Variants in AKAP6 observed in about 807,000 individuals in gnomAD.
The protein encoded by AKAP6 is A-kinase anchoring protein 6, also known as A-kinase anchor protein 6.
A neutral mutation model predicts 188.5 loss-of-function variants in AKAP6; 58 were observed. The ratio of observed to expected loss-of-function variants is 0.31; its 90% CI spans 0.25 to 0.38. The LOEUF is 0.38. Ranked by LOEUF, AKAP6 falls within the 10% of genes least tolerant of loss-of-function variation. The probability of loss-of-function intolerance (pLI) is 1.00; values close to 1 mark genes in which losing one functional copy is unlikely to be tolerated. For synonymous variants in AKAP6, 989 were observed against 998.6 expected, an observed-to-expected ratio of 0.99 and a Z score of 0.18; for missense variants, 2,710 against 2,740.0, an observed-to-expected ratio of 0.99 and a Z score of 0.24.
In AKAP6 at chr14:32,568,971, G is replaced by A. The variant is rs1884335065; in HGVS notation, c.2347-8149G>A. On this transcript the variant is annotated intron_variant, in intron 4 of 13. Coordinates refer to ENST00000280979, the MANE Select transcript of AKAP6 (RefSeq NM_004274.5). This position sits in a 1 kb window ranked among gnomAD's most constrained non-coding sequence, Gnocchi z 6.2. ...ATTTCTTTTTATAAACCCATAGGGAGCAACTGAATTCAAAATCTCTAGATT... is the reference window on the plus strand; with the variant it reads ...ATTTCTTTTTATAAACCCATAGGGAACAACTGAATTCAAAATCTCTAGATT... Among the ~76,000 whole-genome samples the A allele has an allele frequency of 6.6e-6, 1 of 152,138 alleles. No homozygotes were observed. The highest frequency in any genetic ancestry group is 1.5e-5 in the Non-Finnish European group (1 of 68,012).
chr14:32,501,621 C>G (rs1006388551), intron 2 of AKAP6, among the ~76,000 whole-genome samples: 2 of 152,080 alleles, frequency 1.3e-5, no homozygotes, highest in Admixed American at 6.6e-5. Context: ...AGAGTCTTTA[C>G]CACAGCATAA....
intron 11 of AKAP6, among the ~76,000 whole-genome samples, chr14:32,753,228 A>C (rs2032206405): frequency 6.6e-6 from 1 of 152,030 alleles, no homozygotes; most frequent in South Asian, 2.1e-4. Context: ...TCTCTTTTTG[A>C]TAATAGCCAT....
chr14:32,655,664 A>T (rs1169444367), intron 7 of AKAP6, among the ~76,000 whole-genome samples: 1 of 152,178 alleles, frequency 6.6e-6, no homozygotes, highest in South Asian at 2.1e-4. Flanking sequence ...CAGATTAGAG[A>T]AAGCGTTTCA....
chr14:32,726,262 C>T (rs912450087), intron 9 of AKAP6: 5 of 924,142 alleles, frequency 5.4e-6, no homozygotes, highest in Non-Finnish European at 6.5e-6. Flanking sequence ...AGTGATTCTT[C>T]TCTCCTCAGT....
chr14:32,756,681 C>A (rs1259704058), intron 11 of AKAP6, among the ~76,000 whole-genome samples: 2 of 152,160 alleles, frequency 1.3e-5, no homozygotes, highest in Non-Finnish European at 2.9e-5. Flanking sequence ...TAGCTTAGAG[C>A]CTAAGGCCAC....
chr14:32,744,045 A>T (rs2031787708), intron 11 of AKAP6, among the ~76,000 whole-genome samples: 2 of 152,156 alleles, frequency 1.3e-5, no homozygotes, highest in African/African-American at 4.8e-5. Flanking sequence ...TATTTTTGCC[A>T]GATATACTAT....
chr14:32,763,644 A>G (rs1433942870), intron 11 of AKAP6, among the ~76,000 whole-genome samples: 2 of 152,186 alleles, frequency 1.3e-5, no homozygotes, highest in Non-Finnish European at 2.9e-5. Flanking sequence ...TGAAGAAGAT[A>G]CATTGATATA....
chr14:32,583,590 G>C (rs1402627286), intron 5 of AKAP6, among the ~76,000 whole-genome samples: 1 of 152,242 alleles, frequency 6.6e-6, no homozygotes, highest in African/African-American at 2.4e-5. Context: ...GGAGCCTACA[G>C]AGGCAGGCAG....
intron 9 of AKAP6, among the ~76,000 whole-genome samples, chr14:32,712,790 T>A (rs898521785): frequency 6.6e-6 from 1 of 152,118 alleles, no homozygotes; most frequent in Admixed American, 6.6e-5. Context: ...CTTCCTCCAC[T>A]GAAGTGTTGA....
chr14:32,599,149 C>T (rs972562460), intron 5 of AKAP6, among the ~76,000 whole-genome samples: 6 of 152,096 alleles, frequency 3.9e-5, no homozygotes, highest in African/African-American at 1.4e-4. Flanking sequence ...CTTGATATAG[C>T]CTACGGGATG....
rs146208825 is a variant in AKAP6, at chr14:32,714,704, A to C, written c.3001-17750A>C. ...CTTCTTCTTTAGGCAGAATTACCAA[A>C]TGCCCCTCAGTTTTTTTCACAGCAT... is the stretch of plus-strand genomic sequence containing the variant. On this transcript the variant is annotated intron_variant, in intron 9 of 13. Coordinates refer to ENST00000280979, the MANE Select transcript of AKAP6 (RefSeq NM_004274.5). Among the ~76,000 whole-genome samples, 723 of 151,966 alleles carry C rather than the reference A, an allele frequency of 4.8e-3. 7 individuals are homozygous for C. The highest frequency in any genetic ancestry group is 0.016 in the African/African-American group (671 of 41,490).
intron 12 of AKAP6, among the ~76,000 whole-genome samples, chr14:32,813,487 G>C (rs973540293): frequency 7.0e-6 from 1 of 143,870 alleles, no homozygotes; most frequent in African/African-American, 2.6e-5. Flanking sequence ...CCCAACCTGA[G>C]GCTATCTCAG....
intron 4 of AKAP6, among the ~76,000 whole-genome samples, chr14:32,572,985 C>T (rs1884558794): frequency 6.6e-6 from 1 of 152,002 alleles, no homozygotes; most frequent in Non-Finnish European, 1.5e-5. Context: ...ACTCTCAAAG[C>T]CTGTATAAAA....
chr14:32,704,829 A>G (rs971397423), intron 9 of AKAP6, among the ~76,000 whole-genome samples: 6 of 152,224 alleles, frequency 3.9e-5, no homozygotes, highest in African/African-American at 1.4e-4. Flanking sequence ...TATAACCACA[A>G]GGAAATGTAT....
chr14:32,492,355 T>TATATATGTAGAGAGAGAGAG, intron 2 of AKAP6, among the ~76,000 whole-genome samples: 3 of 82,586 alleles, frequency 3.6e-5, no homozygotes, highest in Non-Finnish European at 8.0e-5. Flanking sequence ...TATATATATA[T>TATATATGTAGAGAGAGAGAG]AGAGAGAGAG....
chr14:32,626,992 G>A (rs1208215239), intron 7 of AKAP6, among the ~76,000 whole-genome samples: 2 of 152,072 alleles, frequency 1.3e-5, no homozygotes, highest in African/African-American at 2.4e-5. Flanking sequence ...TTGTTAGACT[G>A]TCAACTTAAT....
At chr14:32,542,420 A>AAC (rs1313915797) in intron 3 of AKAP6, among the ~76,000 whole-genome samples, 4 of 152,226 alleles carry the variant, frequency 2.6e-5, no homozygotes, top group Non-Finnish European at 5.9e-5. Context: ...TTATACTGTC[A>AAC]TAGTACTTAC....
chr14:32,545,321 C>T lies in AKAP6; in HGVS notation c.668C>T (p.Thr223Ile). The T allele has an allele frequency of 6.2e-7, 1 of 1,614,184 alleles. No homozygotes were observed. Among genetic ancestry groups the T allele is most frequent in the Non-Finnish European group, 8.5e-7 (1 of 1,180,006 alleles). The change falls in exon 4 of 14, where the codon ACT (threonine) becomes ATT (isoleucine). Residue 223 changes from threonine (T) to isoleucine (I), a missense_variant. Transcript: ENST00000280979. ...QNYLSLDCGI[T>I]AFELSDYSPS... ...TACTTGTCTCTGGATTGTGGCATTACTGCATTCGAACTGTCTGACTACAGT... is the reference window on the plus strand; with the variant it reads ...TACTTGTCTCTGGATTGTGGCATTATTGCATTCGAACTGTCTGACTACAGT...
At chr14:32,744,521 C>CGT (rs1566681562) in intron 11 of AKAP6, among the ~76,000 whole-genome samples, 3 of 151,992 alleles carry the variant, frequency 2.0e-5, no homozygotes, top group East Asian at 3.9e-4. Context: ...TTTCACTGCA[C>CGT]TAGCCAGGAT....
Sources: allele counts gnomAD v4.1 joint callset (sites outside exome capture counted in the v4.1 genomes callset), GRCh38; gene constraint gnomAD v4.1.1; non-coding constraint Gnocchi (gnomAD v3.1); transcripts MANE v1.5; gene names NCBI Gene and HGNC (gene_info 2026-07-23, HGNC 2026-07-21).